The following TENM3 variants were observed in gnomAD, a reference collection of about 807,000 sequenced individuals.
The protein encoded by TENM3 is teneurin transmembrane protein 3.
In TENM3, 63 loss-of-function variants were observed where a neutral mutation model predicts 255.1. The observed-to-expected ratio is 0.25, with a 90% confidence interval of 0.20 to 0.30. The LOEUF is 0.30. Ranked by LOEUF, TENM3 falls within the 10% of genes least tolerant of loss-of-function variation. The pLI, the probability that TENM3 is intolerant of heterozygous loss-of-function variation, is 1.00. For synonymous variants in TENM3, 1,306 were observed against 1,322.3 expected (o/e 0.99, Z 0.27); for missense variants, 2,929 against 3,461.1 (o/e 0.85, Z 3.86).
chr4:181,929,430 AAAG>A, the TENM3 span, among the ~76,000 whole-genome samples: 1 of 152,180 alleles, frequency 6.6e-6, no homozygotes, highest in Non-Finnish European at 1.5e-5. Context: ...CAGAAAAGAC[AAAG>A]AAGGGCATTA....
chr4:181,807,901 A>G, the TENM3 span, among the ~76,000 whole-genome samples: 3 of 152,190 alleles, frequency 2.0e-5, no homozygotes, highest in Admixed American at 6.5e-5. Context: ...ATATCCCATA[A>G]TCCTCTAGGG....
chr4:181,653,770 T>A, the TENM3 span, among the ~76,000 whole-genome samples: 1 of 151,036 alleles, frequency 6.6e-6, no homozygotes, highest in Non-Finnish European at 1.5e-5. Flanking sequence ...TAGGTATACA[T>A]GTGCCATGGT....
the TENM3 span, among the ~76,000 whole-genome samples, chr4:181,811,712 T>A: frequency 3.3e-5 from 5 of 152,094 alleles, no homozygotes; most frequent in African/African-American, 1.2e-4. Context: ...AACCATCAGA[T>A]CTCATGAGAC....
the TENM3 span, among the ~76,000 whole-genome samples, chr4:181,485,489 T>TTA: frequency 5.9e-3 from 888 of 151,568 alleles, 10 homozygotes; most frequent in African/African-American, 0.019. Flanking sequence ...AGATTTTTTT[T>TTA]AAAAAAAAGA....
At chr4:181,742,833 C>T in the TENM3 span, among the ~76,000 whole-genome samples, 4 of 137,476 alleles carry the variant, frequency 2.9e-5, no homozygotes, top group Non-Finnish European at 4.7e-5. Context: ...TCCCTCCCCC[C>T]TCCCCACAAC....
chr4:182,781,624 G>A (rs1765174198), intron 24 of TENM3, among the ~76,000 whole-genome samples: 1 of 151,290 alleles, frequency 6.6e-6, no homozygotes, highest in African/African-American at 2.4e-5. Context: ...GTTTCAGAAG[G>A]AATGGTACCA....
At chr4:182,058,498 C>T in the TENM3 span, among the ~76,000 whole-genome samples, 1 of 152,096 alleles carries the variant, frequency 6.6e-6, no homozygotes, top group Non-Finnish European at 1.5e-5. Flanking sequence ...GACAGTGTTA[C>T]AGTAAAACTC....
chr4:182,772,746 A>G (rs1764353806), intron 22 of TENM3: 2 of 151,374 alleles, frequency 1.3e-5, no homozygotes, highest in African/African-American at 4.9e-5. Flanking sequence ...TTGTCTGCTA[A>G]AAAGAGTAAG....
rs76139577 is a variant in TENM3 at position 182,633,763 on chromosome 4, C to T, written c.988+4874C>T. Among the ~76,000 whole-genome samples the T allele has an allele frequency of 7.9e-3, 1,207 of 152,324 alleles. 14 individuals carry two copies. Among genetic ancestry groups the T allele is most frequent in the African/African-American group, 0.028 (1,145 of 41,568 alleles). ...GAGATGGCTCGCCTGAAGGCACACA[C>T]ACAAGGACTCTTACACTATACTGTC... On this transcript the variant is annotated intron_variant, in intron 5 of 27. Transcript: ENST00000511685.
At chr4:182,668,270 T>C (rs1641652267) in intron 6 of TENM3, among the ~76,000 whole-genome samples, 1 of 152,272 alleles carries the variant, frequency 6.6e-6, no homozygotes, top group Non-Finnish European at 1.5e-5. Flanking sequence ...AGACAATAAG[T>C]CATAGTAATA....
chr4:181,556,678 C>T, the TENM3 span, among the ~76,000 whole-genome samples: 3 of 152,120 alleles, frequency 2.0e-5, no homozygotes, highest in East Asian at 3.9e-4. Context: ...ACCTGCACTT[C>T]GATTCTTTAT....
chr4:182,612,132 C>T (rs1196401810), intron 4 of TENM3, among the ~76,000 whole-genome samples: 2 of 151,762 alleles, frequency 1.3e-5, no homozygotes, highest in Admixed American at 6.6e-5. Flanking sequence ...ATTAGCCGGG[C>T]GTGGTGGCGG....
upstream of TENM3, among the ~76,000 whole-genome samples, chr4:182,242,030 T>A (rs1359847669): frequency 6.6e-6 from 1 of 150,866 alleles, no homozygotes; most frequent in Non-Finnish European, 1.5e-5. Flanking sequence ...CTCTTTTTTT[T>A]TTTTTATTTT....
the TENM3 span, among the ~76,000 whole-genome samples, chr4:181,613,258 A>T: frequency 2.0e-5 from 3 of 152,174 alleles, no homozygotes; most frequent in Non-Finnish European, 2.9e-5. Flanking sequence ...CTAGATTTGC[A>T]ACTCAGTGTT....
intron 1 of TENM3, among the ~76,000 whole-genome samples, chr4:182,208,719 G>A (rs1754750759): frequency 6.6e-6 from 1 of 152,084 alleles, no homozygotes; most frequent in African/African-American, 2.4e-5. Context: ...CCTAGAAGGG[G>A]GCTTTGCTCA....
At chr4:182,335,494 C>CAGAAAAA (rs1554051180) in intron 2 of TENM3, among the ~76,000 whole-genome samples, 10 of 52,398 alleles carry the variant, frequency 1.9e-4, no homozygotes, top group Admixed American at 8.4e-4. Context: ...GACTCCGCCT[C>CAGAAAAA]AAAAAAAAAA....
At chr4:181,524,192 A>G in the TENM3 span, among the ~76,000 whole-genome samples, 2 of 152,182 alleles carry the variant, frequency 1.3e-5, no homozygotes, top group African/African-American at 4.8e-5. Flanking sequence ...GTGTAGGAGT[A>G]TGGAATTTTT....
the TENM3 span, among the ~76,000 whole-genome samples, chr4:181,739,571 G>A: frequency 3.3e-5 from 5 of 152,182 alleles, no homozygotes; most frequent in Middle Eastern, 3.4e-3. Context: ...AATGATTGAC[G>A]TCCAAGGATA....
chr4:181,659,450 A>G, the TENM3 span, among the ~76,000 whole-genome samples: 1 of 152,184 alleles, frequency 6.6e-6, no homozygotes, highest in African/African-American at 2.4e-5. Context: ...TCCGGTAACA[A>G]TTCTATGGGG....
Sources: gnomAD v4.1 joint callset for allele counts (sites outside exome capture counted in the v4.1 genomes callset) on GRCh38, gnomAD v4.1.1 for gene constraint, MANE v1.5 for transcripts, NCBI Gene and HGNC (gene_info 2026-07-23, HGNC 2026-07-21) for gene names.